The following WDR49 variants were observed in gnomAD, a reference collection of about 807,000 sequenced individuals.
WDR49 encodes the protein cilia- and flagella-associated protein 337.
In WDR49, 107 loss-of-function variants were observed where a neutral mutation model predicts 119.5. The observed-to-expected ratio is 0.90, with a 90% CI of 0.77 to 1.05. The LOEUF (loss-of-function observed/expected upper bound fraction) is 1.05, where lower values mean the gene tolerates loss of function less well. Among genes scored for constraint, WDR49 ranks in the 50% least tolerant of loss-of-function variants. The pLI is 0.00. For synonymous variants in WDR49, 425 were observed against 418.8 expected (o/e 1.01, Z -0.18); for missense variants, 1,240 against 1,220.5 (o/e 1.02, Z -0.24).
intron 2 of WDR49, among the ~76,000 whole-genome samples, chr3:167,628,716 A>G (rs987564986): frequency 3.9e-5 from 6 of 152,164 alleles, no homozygotes; most frequent in Non-Finnish European, 5.9e-5. Flanking sequence ...CAAGTTATCT[A>G]TAATCTCTAG....
chr3:167,621,418 G>T (rs1030513078), intron 4 of WDR49, 49 bp downstream of exon 4: 2 of 1,418,374 alleles, frequency 1.4e-6, no homozygotes, highest in African/African-American at 2.9e-5. Flanking sequence ...TTAAACTACA[G>T]TTTGATGATT....
intron 9 of WDR49, among the ~76,000 whole-genome samples, chr3:167,555,735 A>T (rs564611997): frequency 5.9e-4 from 90 of 152,022 alleles, no homozygotes; most frequent in Non-Finnish European, 1.2e-3. Flanking sequence ...AGAGGTGTGT[A>T]TTGCATTCAG....
At chr3:167,617,888 C>T (rs1716677669) in intron 5 of WDR49, among the ~76,000 whole-genome samples, 1 of 152,154 alleles carries the variant, frequency 6.6e-6, no homozygotes, top group African/African-American at 2.4e-5. Flanking sequence ...TTTCTTTCTC[C>T]TCTAACCCAT....
chr3:167,646,539 T>G (rs1718138110), intron 2 of WDR49, among the ~76,000 whole-genome samples: 1 of 152,220 alleles, frequency 6.6e-6, no homozygotes, highest in East Asian at 1.9e-4. Flanking sequence ...TCTGCAATGA[T>G]GAAAATGTTC....
intron 10 of WDR49, among the ~76,000 whole-genome samples, chr3:167,552,015 A>C (rs953163191): frequency 6.6e-6 from 1 of 152,060 alleles, no homozygotes; most frequent in African/African-American, 2.4e-5. Flanking sequence ...CAAATGAAAA[A>C]ATTTTGAGAG....
intron 8 of WDR49, among the ~76,000 whole-genome samples, chr3:167,561,762 G>T (rs920192318): frequency 2.6e-5 from 4 of 152,010 alleles, no homozygotes; most frequent in Admixed American, 1.3e-4. Flanking sequence ...GTGAAATAAT[G>T]TTACCAACAT....
chr3:167,571,583 G>A (rs1220897667), intron 8 of WDR49, among the ~76,000 whole-genome samples: 2 of 152,122 alleles, frequency 1.3e-5, no homozygotes, highest in Admixed American at 1.3e-4. Flanking sequence ...GGGCTACTAT[G>A]CTGCCTTTTA....
chr3:167,511,582 C>T (rs554533880), intron 16 of WDR49, among the ~76,000 whole-genome samples: 5 of 152,162 alleles, frequency 3.3e-5, no homozygotes, highest in East Asian at 3.9e-4. Flanking sequence ...TTTTTTCCAC[C>T]GATCTGTGAA....
intron 13 of WDR49, 94 bp from the exon 14 acceptor site, chr3:167,529,333 T>G (rs934490882): frequency 3.4e-6 from 4 of 1,187,260 alleles, no homozygotes; most frequent in East Asian, 2.5e-5. Flanking sequence ...GCATGTGATG[T>G]TGAAGAGGTG....
chr3:167,656,993 C>A (rs149477786), upstream of WDR49, among the ~76,000 whole-genome samples: 346 of 152,292 alleles, frequency 2.3e-3, 1 homozygote, highest in African/African-American at 7.8e-3. Flanking sequence ...TGGCCTTTGA[C>A]ACTTTGGGAC....
Position 167,536,891 on chromosome 3 carries a change from G to T in WDR49, c.1933C>A (p.Pro645Thr), listed in dbSNP as rs1475702027. The T allele has an allele frequency of 6.6e-7, 1 of 1,519,798 alleles. No homozygotes were observed. The highest frequency in any genetic ancestry group is 1.4e-5 in the African/African-American group (1 of 70,956). 94.1% of individuals were successfully genotyped at this position (1,519,798 alleles called of 1,614,324 possible). A position where few individuals can be genotyped will look rare whatever the true frequency, so the allele number is the denominator to read the frequency against. ...HDDILCAAFL[P>T]PQTLVTGSYD... Reference sequence around the variant, plus strand: ...TTACCCGTAACAAGAGTTTGTGGAGGTAAAAACGCAGCACACAAGATGTCA... The same window carrying T: ...TTACCCGTAACAAGAGTTTGTGGAGTTAAAAACGCAGCACACAAGATGTCA... The change falls in exon 11 of 19, where the codon CCT becomes ACT. Residue 645 changes from proline (P) to threonine (T), a missense_variant. Coordinates refer to ENST00000682715, the MANE Select transcript of WDR49 (RefSeq NM_001366157.1).
chr3:167,500,307 A>G lies in WDR49; in HGVS notation c.2885-8T>C. On this transcript the variant is annotated splice_region_variant and splice_polypyrimidine_tract_variant and intron_variant, in intron 17 of 18. Transcript: ENST00000682715. ...TTAATGACCTAAATGTACCTTCACA[A>G]CAGCAGGTTTTAGAGGAAGACAGGG... 6.2e-7 allele frequency: 1 copy of G among 1,605,926 alleles called. No homozygotes were observed. Among genetic ancestry groups the G allele is most frequent in the Non-Finnish European group, 8.5e-7 (1 of 1,177,512 alleles).
intron 10 of WDR49, among the ~76,000 whole-genome samples, chr3:167,546,931 G>A (rs911302715): frequency 2.6e-5 from 4 of 151,692 alleles, no homozygotes; most frequent in Non-Finnish European, 5.9e-5. Context: ...CAAAGGCAGA[G>A]AATTAGTTTG....
At chr3:167,631,199 T>A (rs1001479286) in intron 2 of WDR49, among the ~76,000 whole-genome samples, 1 of 151,954 alleles carries the variant, frequency 6.6e-6, no homozygotes, top group African/African-American at 2.4e-5. Flanking sequence ...CAAACCAACA[T>A]GGCACATGTA....
At chr3:167,648,759 G>A (rs1718240064) in intron 2 of WDR49, among the ~76,000 whole-genome samples, 1 of 152,150 alleles carries the variant, frequency 6.6e-6, no homozygotes, top group Non-Finnish European at 1.5e-5. Flanking sequence ...ACTGCTACCA[G>A]CTGATGTATG....
At position 167,521,208 on chromosome 3, in the gene WDR49, A is replaced by G. The variant is rs1425655726; in HGVS notation, c.2774+1107T>C. On this transcript the variant is annotated intron_variant, in intron 16 of 18. Coordinates refer to ENST00000682715, the MANE Select transcript of WDR49 (RefSeq NM_001366157.1). Reference sequence around the variant, plus strand: ...GCTTGGCAATGTGCAGGACTGTAACAGAAAACACTGTGATGTGTATTACAA... The same window carrying G: ...GCTTGGCAATGTGCAGGACTGTAACGGAAAACACTGTGATGTGTATTACAA... 6.6e-5 allele frequency among the ~76,000 whole-genome samples: 10 copies of G among 152,158 alleles called. No individual in the cohort carries two copies. In the South Asian group the frequency reaches 1.9e-3, roughly 28 times the overall value.
chr3:167,642,987 G>A (rs767646267), intron 2 of WDR49, among the ~76,000 whole-genome samples: 15 of 151,930 alleles, frequency 9.9e-5, no homozygotes, highest in Admixed American at 3.9e-4. Context: ...AAGAGGGGCC[G>A]AAGACTCTCT....
intron 9 of WDR49, 110 bp from the exon 10 acceptor site, chr3:167,554,908 C>G (rs1712833854): frequency 1.2e-6 from 1 of 811,456 alleles, no homozygotes; most frequent in African/African-American, 1.8e-5. Flanking sequence ...ATCAACTCAT[C>G]ATTGAATTTT....
intron 18 of WDR49, among the ~76,000 whole-genome samples, chr3:167,490,829 T>C (rs1751105972): frequency 6.6e-6 from 1 of 152,088 alleles, no homozygotes; most frequent in African/African-American, 2.4e-5. Flanking sequence ...AGATTTGACT[T>C]CCTCTTCTCC....
Sources: allele counts gnomAD v4.1 joint callset (sites outside exome capture counted in the v4.1 genomes callset), GRCh38; gene constraint gnomAD v4.1.1; transcripts MANE v1.5; gene names NCBI Gene and HGNC (gene_info 2026-07-23, HGNC 2026-07-21).